Variants in RBM33 observed in about 807,000 individuals in gnomAD.
The protein encoded by RBM33 is RNA-binding protein 33.
A neutral mutation model predicts 132.6 loss-of-function variants in RBM33; 28 were observed. The observed-to-expected ratio is 0.21, with a 90% CI of 0.16 to 0.29. RBM33 has a LOEUF of 0.29. Among genes scored for constraint, RBM33 ranks in the 10% least tolerant of loss-of-function variants. The probability of loss-of-function intolerance (pLI) is 1.00; values close to 1 mark genes in which losing one functional copy is unlikely to be tolerated. For synonymous variants in RBM33, 634 were observed against 593.0 expected (o/e 1.07, Z -1.01); for missense variants, 1,291 against 1,518.5 (o/e 0.85, Z 2.49).
chr7:155,669,518 A>C (rs1439749244), intron 2 of RBM33, among the ~76,000 whole-genome samples: 1 of 151,902 alleles, frequency 6.6e-6, no homozygotes, highest in African/African-American at 2.4e-5. Flanking sequence ...GTGCCTGGCT[A>C]ATATTTATAT....
chr7:155,701,216 T>C, intron 6 of RBM33: 1 of 520,122 alleles, frequency 1.9e-6, no homozygotes. Context: ...ACAGCTGCTC[T>C]TGTACATGCT....
intron 1 of RBM33, among the ~76,000 whole-genome samples, chr7:155,653,476 G>A (rs769197546): frequency 1.2e-4 from 18 of 151,858 alleles, no homozygotes; most frequent in Non-Finnish European, 2.2e-4. Flanking sequence ...GGCTTATAGC[G>A]GGGGTGGGGG....
chr7:155,777,494 A>C lies in RBM33; in HGVS notation c.*2453A>C, dbSNP rs1295261988. On this transcript the variant is annotated 3_prime_UTR_variant, in exon 18 of 18. Transcript: ENST00000401878. Reference sequence around the variant, plus strand: ...TGAAGGAAACTACAGAAAAGGAAAGAAGCAGAATGAGAAAGGAATGGTACT... The same window carrying C: ...TGAAGGAAACTACAGAAAAGGAAAGCAGCAGAATGAGAAAGGAATGGTACT... The C allele has an allele frequency of 6.6e-6, 1 of 152,234 alleles. No individual in the cohort carries two copies. 9.4% of individuals were successfully genotyped at this position (152,234 alleles called of 1,614,324 possible). A position where few individuals can be genotyped will look rare whatever the true frequency, so the allele number is the denominator to read the frequency against.
chr7:155,688,252 T>G (rs961185202), intron 5 of RBM33, among the ~76,000 whole-genome samples: 1 of 152,104 alleles, frequency 6.6e-6, no homozygotes, highest in Non-Finnish European at 1.5e-5. Flanking sequence ...TGAATGGGAG[T>G]TCACTCATGA....
At position 155,739,756 on chromosome 7, in the gene RBM33, G is replaced by A; in HGVS notation, c.1779G>A (p.Gln593=). 6.5e-7 allele frequency: 1 copy of A among 1,547,132 alleles called. No homozygotes were observed. The change falls in exon 12 of 18, where the codon CAG becomes CAA. Residue 593 remains glutamine (Q), a synonymous_variant. Transcript: ENST00000401878. ...CATTGCCCCCTCCGCATCAGCCTCAGCCTCAGCAACCTCAGCAACAGCCCC... is the reference window on the plus strand; with the variant it reads ...CATTGCCCCCTCCGCATCAGCCTCAACCTCAGCAACCTCAGCAACAGCCCC... ...HPPLPPPHQP[Q]PQQPQQQPPP...
chr7:155,674,101 C>A (rs1218051325), intron 3 of RBM33, among the ~76,000 whole-genome samples: 1 of 151,688 alleles, frequency 6.6e-6, no homozygotes, highest in Non-Finnish European at 1.5e-5. Flanking sequence ...CCTGCTTTCC[C>A]TCCTTTAGAT....
intron 13 of RBM33, among the ~76,000 whole-genome samples, chr7:155,742,372 T>A (rs1454676038): frequency 6.6e-6 from 1 of 152,226 alleles, no homozygotes; most frequent in Non-Finnish European, 1.5e-5. Context: ...ACAAACTTTT[T>A]CTGTAAAGGG....
rs896809430 is a variant in RBM33 at position 155,739,728 on chromosome 7, C to T, written c.1751C>T (p.Pro584Leu). Residue 584 changes from proline (P) to leucine (L), a missense_variant, in exon 12 of 18, where the codon CCT becomes CTT. Pro to Leu is a moderately conservative substitution (Grantham distance 98). Transcript: ENST00000401878. ...TGGAAATGGAAGGGGCCGTTGCATC[C>T]TCCATTGCCCCCTCCGCATCAGCCT... ...TQPNLQGPLH[P>L]PLPPPHQPQP... is the part of the protein sequence containing the mutation. 1.2e-5 allele frequency: 18 copies of T among 1,546,644 alleles called. 1 individual carries two copies. Among genetic ancestry groups the T allele is most frequent in the Non-Finnish European group, 1.6e-5 (18 of 1,144,858 alleles).
At chr7:155,706,839 C>G (rs1171047298) in intron 6 of RBM33, 21 bp from the exon 7 acceptor site, 1 of 1,574,732 alleles carries the variant, frequency 6.4e-7, no homozygotes, top group East Asian at 2.3e-5. Context: ...GTAACTAACA[C>G]ATACACATTT....
At chr7:155,671,595 A>C (rs1563136260) in intron 2 of RBM33, among the ~76,000 whole-genome samples, 1 of 152,212 alleles carries the variant, frequency 6.6e-6, no homozygotes, top group Non-Finnish European at 1.5e-5. Flanking sequence ...GCATGCTAAA[A>C]ATAAACATGA....
At position 155,776,607 on chromosome 7, in the gene RBM33, A is replaced by G. The variant is rs1325964978; in HGVS notation, c.*1566A>G. 3 of 152,248 alleles carry G rather than the reference A, an allele frequency of 2.0e-5. No homozygotes were observed. The highest frequency in any genetic ancestry group is 2.4e-5 in the African/African-American group (1 of 41,440). 9.4% of individuals were successfully genotyped at this position (152,248 alleles called of 1,614,324 possible). A position where few individuals can be genotyped will look rare whatever the true frequency, so the allele number is the denominator to read the frequency against. On this transcript the variant is annotated 3_prime_UTR_variant, in exon 18 of 18. Transcript: ENST00000401878. The surrounding 1 kb of genome is among the most constrained non-coding windows in gnomAD (Gnocchi z 4.0). ...GGCGTTTGCTGTGTGCTTGAGAGTA[A>G]CACTGCACGCTGCAGGGGCTGTTGC... is the stretch of plus-strand genomic sequence containing the variant.
At chr7:155,668,347 T>G (rs1798856025) in intron 2 of RBM33, among the ~76,000 whole-genome samples, 2 of 152,182 alleles carry the variant, frequency 1.3e-5, no homozygotes, top group Admixed American at 1.3e-4. Context: ...TTCCATGCAA[T>G]TTTTGTTGAA....
intron 14 of RBM33, among the ~76,000 whole-genome samples, chr7:155,757,387 C>A (rs1053491057): frequency 1.3e-5 from 2 of 152,056 alleles, no homozygotes; most frequent in African/African-American, 2.4e-5. Flanking sequence ...TTTTTTCTTA[C>A]AAAATGAAAC....
chr7:155,680,003 T>G (rs1233766095), intron 4 of RBM33, among the ~76,000 whole-genome samples: 1 of 152,246 alleles, frequency 6.6e-6, no homozygotes, highest in African/African-American at 2.4e-5. Flanking sequence ...TTTAAAGATA[T>G]TTGTGACTAA....
At chr7:155,708,346 T>A (rs1800176043) in intron 7 of RBM33, among the ~76,000 whole-genome samples, 1 of 152,216 alleles carries the variant, frequency 6.6e-6, no homozygotes, top group Admixed American at 6.5e-5. Context: ...TTCCCTTCGT[T>A]GCTCCCTGTC....
At chr7:155,716,941 G>C (rs889067488) in intron 8 of RBM33, among the ~76,000 whole-genome samples, 2 of 152,106 alleles carry the variant, frequency 1.3e-5, no homozygotes, top group African/African-American at 4.8e-5. Context: ...CAGTGACACA[G>C]GCCATGTATG....
At chr7:155,675,744 C>A (rs1799166437) in intron 3 of RBM33, among the ~76,000 whole-genome samples, 1 of 152,098 alleles carries the variant, frequency 6.6e-6, no homozygotes, top group South Asian at 2.1e-4. Context: ...TAGGAAGTTT[C>A]TGTAAAGAGG....
chr7:155,659,524 T>C (rs1585403593), intron 1 of RBM33, among the ~76,000 whole-genome samples: 2 of 151,990 alleles, frequency 1.3e-5, no homozygotes, highest in East Asian at 1.9e-4. Flanking sequence ...TGAAGGTCAA[T>C]TGAGATGATC....
intron 9 of RBM33, among the ~76,000 whole-genome samples, chr7:155,722,091 C>A (rs1800645229): frequency 1.3e-5 from 2 of 152,174 alleles, no homozygotes; most frequent in African/African-American, 4.8e-5. Context: ...ATTTTAGTTA[C>A]AGATATGCAC....
Sources: gnomAD v4.1 joint callset for allele counts (sites outside exome capture counted in the v4.1 genomes callset) on GRCh38, gnomAD v4.1.1 for gene constraint, Gnocchi (gnomAD v3.1) non-coding constraint, MANE v1.5 for transcripts, NCBI Gene and HGNC (gene_info 2026-07-23, HGNC 2026-07-21) for gene names.